Variants in CLEC12A observed in about 807,000 individuals in gnomAD.
CLEC12A encodes C-type lectin domain family 12 member A.
A neutral mutation model predicts 26.5 loss-of-function variants in CLEC12A; 22 were observed. That is an observed-to-expected ratio of 0.83 (90% CI 0.59 to 1.19). The LOEUF (loss-of-function observed/expected upper bound fraction) is 1.19, where lower values mean the gene tolerates loss of function less well. Ranked by LOEUF, CLEC12A falls within the 50% of genes most tolerant of loss-of-function variation. The pLI, the probability that CLEC12A is intolerant of heterozygous loss-of-function variation, is 0.00. For missense variants in CLEC12A, 353 were observed against 315.6 expected (o/e 1.12, Z -0.90); for synonymous variants, 119 against 101.9 (o/e 1.17, Z -1.01).
intron 3 of CLEC12A, among the ~76,000 whole-genome samples, 168 bp downstream of exon 3, chr12:9,979,692 G>C (rs1264878005): frequency 6.6e-6 from 1 of 152,122 alleles, no homozygotes; most frequent in African/African-American, 2.4e-5. Flanking sequence ...CACGCAGTTA[G>C]AAGAAAAACA....
intron 1 of CLEC12A, among the ~76,000 whole-genome samples, chr12:9,956,664 G>C (rs1029783445): frequency 7.2e-5 from 11 of 152,176 alleles, no homozygotes. Flanking sequence ...AATAATTCTT[G>C]CTTCAGTTTA....
At chr12:9,997,872 G>A (rs1344335267), downstream of CLEC12A, among the ~76,000 whole-genome samples, 1 of 152,042 alleles carries the variant, frequency 6.6e-6, no homozygotes, top group Non-Finnish European at 1.5e-5. Flanking sequence ...ATGAGAAACA[G>A]AAAATTTTAG....
At chr12:9,992,779 C>G (rs1864922467) in intron 4 of CLEC12A, 1 of 167,630 alleles carries the variant, frequency 6.0e-6, no homozygotes, top group Non-Finnish European at 1.3e-5. Context: ...AGATTTCAAA[C>G]ATAGATATTT....
chr12:10,005,336 C>T, the CLEC12A span, among the ~76,000 whole-genome samples: 3 of 152,168 alleles, frequency 2.0e-5, no homozygotes, highest in African/African-American at 4.8e-5. Context: ...TAATCGAGTT[C>T]TTCTGGACAG....
intron 1 of CLEC12A, among the ~76,000 whole-genome samples, chr12:9,977,514 C>G (rs1310476789): frequency 1.3e-5 from 2 of 152,134 alleles, no homozygotes; most frequent in Non-Finnish European, 2.9e-5. Context: ...TTCTGTTTTT[C>G]AAATAGAAAT....
intron 1 of CLEC12A, among the ~76,000 whole-genome samples, chr12:9,954,205 TAAA>T (rs35173002): frequency 5.4e-4 from 35 of 64,442 alleles, no homozygotes; most frequent in Middle Eastern, 0.011. Context: ...GAATTATCAA[TAAA>T]AAAAAAAAAA....
chr12:9,952,377 G>T (rs1389408190), intron 1 of CLEC12A, among the ~76,000 whole-genome samples: 1 of 150,768 alleles, frequency 6.6e-6, no homozygotes, highest in Non-Finnish European at 1.5e-5. Flanking sequence ...GGGTTTCGCT[G>T]TGTTGGCCGG....
chr12:9,979,020 T>C lies in CLEC12A; in HGVS notation c.146T>C (p.Leu49Pro), dbSNP rs1156931173. 2 of 1,614,004 alleles carry C rather than the reference T, an allele frequency of 1.2e-6. No homozygotes were observed. The highest frequency in any genetic ancestry group is 1.7e-6 in the Non-Finnish European group (2 of 1,179,876). ...CCAGCAGCCTTGTTTCTGACTCTTCTGTGCCTTCTGTTGCTCATTGGATTG... is the reference window on the plus strand; with the variant it reads ...CCAGCAGCCTTGTTTCTGACTCTTCCGTGCCTTCTGTTGCTCATTGGATTG... Reference protein sequence around the residue: ...WRPAALFLTLLCLLLLIGLGV... With the variant: ...WRPAALFLTLPCLLLLIGLGV... The change falls in exon 2 of 6, where the codon CTG becomes CCG. Residue 49 changes from leucine (L) to proline (P), a missense_variant. By Grantham distance (98) the Leu-to-Pro change is moderately conservative. Coordinates refer to ENST00000304361, the MANE Select transcript of CLEC12A (RefSeq NM_138337.6).
chr12:9,964,968 G>C (rs1863904209), intron 1 of CLEC12A, among the ~76,000 whole-genome samples: 2 of 152,176 alleles, frequency 1.3e-5, no homozygotes, highest in African/African-American at 2.4e-5. Flanking sequence ...TCTGGGCCAG[G>C]AACAATGGTA....
chr12:9,993,610 G>A (rs563037953), intron 4 of CLEC12A, among the ~76,000 whole-genome samples: 2 of 152,182 alleles, frequency 1.3e-5, no homozygotes, highest in East Asian at 3.9e-4. Context: ...TCAGACTTTA[G>A]TTCGGTATTG....
intron 1 of CLEC12A, among the ~76,000 whole-genome samples, chr12:9,957,810 G>C (rs928032050): frequency 6.6e-6 from 1 of 152,184 alleles, no homozygotes; most frequent in Non-Finnish European, 1.5e-5. Context: ...GAATAAAATG[G>C]GAGCCAGGTT....
chr12:9,981,695 C>G (rs1864566056), intron 4 of CLEC12A, among the ~76,000 whole-genome samples: 1 of 152,054 alleles, frequency 6.6e-6, no homozygotes, highest in Admixed American at 6.6e-5. Flanking sequence ...CATTACCCAC[C>G]TCCTTTGGCC....
At chr12:9,954,629 A>C (rs1288175189) in intron 1 of CLEC12A, among the ~76,000 whole-genome samples, 1 of 152,244 alleles carries the variant, frequency 6.6e-6, no homozygotes, top group East Asian at 1.9e-4. Flanking sequence ...TTGCATTGCT[A>C]TCTCATGGCT....
chr12:9,983,330 T>G (rs1864635740), intron 5 of CLEC12A, among the ~76,000 whole-genome samples: 1 of 152,126 alleles, frequency 6.6e-6, no homozygotes, highest in Non-Finnish European at 1.5e-5. Flanking sequence ...AATATAAACT[T>G]CAGCTTAATA....
intron 1 of CLEC12A, among the ~76,000 whole-genome samples, chr12:9,966,247 C>T (rs374734696): frequency 1.4e-4 from 22 of 152,032 alleles, no homozygotes; most frequent in Non-Finnish European, 2.1e-4. Context: ...AAGAAGGGGA[C>T]GGGCTTACCC....
chr12:9,987,734 G>A (rs1347403737), downstream of CLEC12A, among the ~76,000 whole-genome samples: 2 of 151,938 alleles, frequency 1.3e-5, no homozygotes, highest in African/African-American at 2.4e-5. Flanking sequence ...CTGTTAACCT[G>A]TATGTTTTTG....
rs1405189169 is a variant in CLEC12A at position 9,953,385 on chromosome 12, CCGCCCCG to C, written c.10+2030_10+2036del. On this transcript the variant is annotated intron_variant, in intron 1 of 6. Coordinates refer to the CLEC12A transcript ENST00000355690. ...GGGGGTCAGCCCCCCGCCTGGCCAG[CCGCCCCG>C]TCCGGGAGGGAGGTGGGGGGGTCAG... 76 of 49,138 alleles carry C rather than the reference CCGCCCCG, an allele frequency of 1.5e-3. 19 individuals carry two copies. Among genetic ancestry groups the C allele is most frequent in the Admixed American group, 2.5e-3 (14 of 5,548 alleles). 3.0% of individuals were successfully genotyped at this position (49,138 alleles called of 1,614,324 possible).
chr12:9,951,591 C>T lies in CLEC12A; in HGVS notation c.10+235C>T, dbSNP rs186642058. The T allele has an allele frequency of 8.5e-3, 4,471 of 523,704 alleles. 42 individuals carry two copies. The highest frequency in any genetic ancestry group is 0.01 in the Non-Finnish European group (2,951 of 290,032). 32.4% of individuals were successfully genotyped at this position (523,704 alleles called of 1,614,324 possible). A position where few individuals can be genotyped will look rare whatever the true frequency, so the allele number is the denominator to read the frequency against. On this transcript the variant is annotated intron_variant, in intron 1 of 6. Transcript: ENST00000355690. ...CTGCTTTTCTCAATTTGAGAAATTC[C>T]GAAGGAATCTCCATTTGCAGATTGA...
exon 5 of CLEC12A, chr12:9,995,563 G>C: frequency 5.6e-6 from 2 of 354,356 alleles, no homozygotes; most frequent in East Asian, 1.5e-4. Flanking sequence ...TGATTCAAAG[G>C]AATAAATGTA....
Sources: gnomAD v4.1 joint callset for allele counts (sites outside exome capture counted in the v4.1 genomes callset) on GRCh38, gnomAD v4.1.1 for gene constraint, MANE v1.5 for transcripts, NCBI Gene and HGNC (gene_info 2026-07-23, HGNC 2026-07-21) for gene names.